Variants in FSBP observed in about 807,000 individuals in gnomAD.
FSBP encodes fibrinogen silencer binding protein, also known as fibrinogen silencer-binding protein.
FSBP carries 18 observed loss-of-function variants against 24.6 expected under a neutral mutation model. The ratio of observed to expected loss-of-function variants is 0.73; its 90% CI spans 0.51 to 1.08. The LOEUF is 1.08. Among genes scored for constraint, FSBP ranks in the 50% least tolerant of loss-of-function variants. FSBP has a pLI of 0.00. For synonymous variants in FSBP, 110 were observed against 125.8 expected, an observed-to-expected ratio of 0.87 and a Z score of 0.84; for missense variants, 305 against 347.6, an observed-to-expected ratio of 0.88 and a Z score of 0.98.
Position 94,436,933 on chromosome 8 carries a change from C to A in FSBP, c.-65G>T. On this transcript the variant is annotated 5_prime_UTR_variant, in exon 1 of 2. Coordinates refer to ENST00000481490, the MANE Select transcript of FSBP (RefSeq NM_001256141.2). The stretch of plus-strand genomic sequence containing the variant: ...ATGCAGCCTTCAGCTCTGCTCAGCT[C>A]TTTTCACAAACAGAAAAAGATCAGG... 1 of 1,455,822 alleles carries A rather than the reference C, an allele frequency of 6.9e-7. No homozygotes were observed. 90.2% of individuals were successfully genotyped at this position (1,455,822 alleles called of 1,614,324 possible).
Position 94,428,993 on chromosome 8 carries a change from C to T in FSBP, c.*3138G>A. 1 of 982,732 alleles carries T rather than the reference C, an allele frequency of 1.0e-6. No individual in the cohort carries two copies. Among genetic ancestry groups the T allele is most frequent in the Non-Finnish European group, 1.2e-6 (1 of 827,576 alleles). The allele number at this position is 982,732 out of a possible 1,614,324, so 60.9% of individuals were successfully genotyped here. On this transcript the variant is annotated 3_prime_UTR_variant, in exon 2 of 2. Coordinates refer to ENST00000481490, the MANE Select transcript of FSBP (RefSeq NM_001256141.2). The stretch of plus-strand genomic sequence containing the variant: ...TTCTCATAAACTATACTATGTTAAT[C>T]ATGGTTATACAAGGGGAGGTAGACA...
chr8:94,432,302 A>T lies in FSBP; in HGVS notation c.729T>A (p.His243Gln). The T allele has an allele frequency of 2.5e-5, 39 of 1,550,272 alleles. No individual in the cohort carries two copies. The highest frequency in any genetic ancestry group is 3.3e-5 in the Non-Finnish European group (38 of 1,146,840). Residue 243 changes from histidine (H) to glutamine (Q), a missense_variant, in exon 2 of 2, where the codon CAT (histidine) becomes CAA (glutamine). By Grantham distance (24) the His-to-Gln change is conservative. Coordinates refer to ENST00000481490, the MANE Select transcript of FSBP (RefSeq NM_001256141.2). ...TTTTTTGATTTTCTAAAATTATCTGATGCTCCTCTTTCAACATTTGCAGGA... is the reference window on the plus strand; with the variant it reads ...TTTTTTGATTTTCTAAAATTATCTGTTGCTCCTCTTTCAACATTTGCAGGA... ...PQILQMLKEE[H>Q]QIILENQKNF...
chr8:94,428,146 C>G lies in FSBP; in HGVS notation c.*3985G>C. On this transcript the variant is annotated 3_prime_UTR_variant, in exon 2 of 2. Coordinates refer to ENST00000481490, the MANE Select transcript of FSBP (RefSeq NM_001256141.2). ...AAGAGAAAGATAGGAAAGTGGCTAT[C>G]CACTATCTAAATTACTAATATATTG... 1.2e-6 allele frequency: 1 copy of G among 860,676 alleles called. No individual in the cohort carries two copies. The highest frequency in any genetic ancestry group is 1.4e-6 in the Non-Finnish European group (1 of 716,590). The allele number at this position is 860,676 out of a possible 1,614,324, so 53.3% of individuals were successfully genotyped here.
Position 94,429,691 on chromosome 8 carries a change from G to A in FSBP, c.*2440C>T, listed in dbSNP as rs773850146. 22 of 982,964 alleles carry A rather than the reference G, an allele frequency of 2.2e-5. No homozygotes were observed. The highest frequency in any genetic ancestry group is 2.7e-5 in the Non-Finnish European group (22 of 827,876). The allele number at this position is 982,964 out of a possible 1,614,324, so 60.9% of individuals were successfully genotyped here. A position where few individuals can be genotyped will look rare whatever the true frequency, so the allele number is the denominator to read the frequency against. ...AGACTCAAAGAAAAGTCATAGCACA[G>A]ATTAAAGAGAAAAGGTAACATTGTC... On this transcript the variant is annotated 3_prime_UTR_variant, in exon 2 of 2. Coordinates refer to ENST00000481490, the MANE Select transcript of FSBP (RefSeq NM_001256141.2).
At position 94,430,631 on chromosome 8, in the gene FSBP, T is replaced by C. The variant is rs756002203; in HGVS notation, c.*1500A>G. On this transcript the variant is annotated 3_prime_UTR_variant, in exon 2 of 2. Coordinates refer to ENST00000481490, the MANE Select transcript of FSBP (RefSeq NM_001256141.2). The stretch of plus-strand genomic sequence containing the variant: ...GTCAGGACCCATACTTGGAAAACCA[T>C]TGGTCTACTCCAAAGGCCACAAAGT... 29 of 613,650 alleles carry C rather than the reference T, an allele frequency of 4.7e-5. No homozygotes were observed. The highest frequency in any genetic ancestry group is 5.5e-5 in the Non-Finnish European group (27 of 490,950). The allele number at this position is 613,650 out of a possible 1,614,324, so 38.0% of individuals were successfully genotyped here. A position where few individuals can be genotyped will look rare whatever the true frequency, so the allele number is the denominator to read the frequency against.
chr8:94,429,846 T>C lies in FSBP; in HGVS notation c.*2285A>G. The C allele has an allele frequency of 8.1e-6, 8 of 985,350 alleles. No individual in the cohort carries two copies. Among genetic ancestry groups the C allele is most frequent in the Non-Finnish European group, 9.6e-6 (8 of 829,878 alleles). The allele number at this position is 985,350 out of a possible 1,614,324, so 61.0% of individuals were successfully genotyped here. A position where few individuals can be genotyped will look rare whatever the true frequency, so the allele number is the denominator to read the frequency against. Reference sequence around the variant, plus strand: ...TAGTCAACATGCTAAAATAGTACCTTGAGTTCATTTTTTTCTATTTCTATA... The same window carrying C: ...TAGTCAACATGCTAAAATAGTACCTCGAGTTCATTTTTTTCTATTTCTATA... On this transcript the variant is annotated 3_prime_UTR_variant, in exon 2 of 2. Coordinates refer to ENST00000481490, the MANE Select transcript of FSBP (RefSeq NM_001256141.2).
In FSBP at chr8:94,432,346, A is replaced by T; in HGVS notation, c.685T>A (p.Leu229Ile). 6.5e-7 allele frequency: 1 copy of T among 1,550,362 alleles called. No homozygotes were observed. The highest frequency in any genetic ancestry group is 8.7e-7 in the Non-Finnish European group (1 of 1,146,850). Residue 229 changes from leucine (L) to isoleucine (I), a missense_variant, in exon 2 of 2, where the codon TTA becomes ATA. Coordinates refer to ENST00000481490, the MANE Select transcript of FSBP (RefSeq NM_001256141.2). ...TGCAGGATCTGAGGATCATACCCTA[A>T]TAGTGACCTAAAGTGTTCACCACTC... ...HESGEHFRSLLGYDPQILQML... is the reference protein window; with the variant it reads ...HESGEHFRSLIGYDPQILQML...
chr8:94,430,195 C>T lies in FSBP; in HGVS notation c.*1936G>A, dbSNP rs1477857620. On this transcript the variant is annotated 3_prime_UTR_variant, in exon 2 of 2. Transcript: ENST00000481490. ...AGGCATGGTGGTGCGCCTGTAGTCC[C>T]AGCTACTTGGGAAGCTGAAGCAGGA... is the stretch of plus-strand genomic sequence containing the variant. 1.6e-6 allele frequency: 1 copy of T among 641,672 alleles called. No individual in the cohort carries two copies. The highest frequency in any genetic ancestry group is 2.0e-5 in the African/African-American group (1 of 50,154). The allele number at this position is 641,672 out of a possible 1,614,324, so 39.7% of individuals were successfully genotyped here.
chr8:94,433,604 G>C (rs1046795015), intron 1 of FSBP, among the ~76,000 whole-genome samples: 4 of 151,858 alleles, frequency 2.6e-5, no homozygotes, highest in African/African-American at 9.7e-5. Context: ...AACAAGTTAT[G>C]ATATTATAAA....
chr8:94,436,832 A>T lies in FSBP; in HGVS notation c.37T>A (p.Ser13Thr). 11 of 1,542,964 alleles carry T rather than the reference A, an allele frequency of 7.1e-6. No individual in the cohort carries two copies. Among genetic ancestry groups the T allele is most frequent in the Non-Finnish European group, 8.7e-6 (10 of 1,144,448 alleles). Reference protein sequence around the residue: ...GKARSSNFTLSEKLDLLKLVK... With the variant: ...GKARSSNFTLTEKLDLLKLVK... ...AGCTTTAGCAAATCAAGCTTTTCGGATAAGGTAAAATTGGAAGATCTAGCC... is the reference window on the plus strand; with the variant it reads ...AGCTTTAGCAAATCAAGCTTTTCGGTTAAGGTAAAATTGGAAGATCTAGCC... Residue 13 changes from serine (S) to threonine (T), a missense_variant, in exon 1 of 2, where the codon TCC becomes ACC. By Grantham distance (58) the Ser-to-Thr change is moderately conservative. Transcript: ENST00000481490.
intron 1 of FSBP, among the ~76,000 whole-genome samples, chr8:94,434,922 CA>C (rs1252080094): frequency 1.3e-5 from 2 of 151,366 alleles, no homozygotes; most frequent in Non-Finnish European, 1.5e-5. Context: ...TATTCACACA[CA>C]CAAATAGTCA....
Position 94,430,966 on chromosome 8 carries a change from CTT to C in FSBP, c.*1163_*1164del. 1.0e-6 allele frequency: 1 copy of C among 985,298 alleles called. No homozygotes were observed. The highest frequency in any genetic ancestry group is 4.7e-5 in the South Asian group (1 of 21,276). 61.0% of individuals were successfully genotyped at this position (985,298 alleles called of 1,614,324 possible). A position where few individuals can be genotyped will look rare whatever the true frequency, so the allele number is the denominator to read the frequency against. On this transcript the variant is annotated 3_prime_UTR_variant, in exon 2 of 2. Coordinates refer to ENST00000481490, the MANE Select transcript of FSBP (RefSeq NM_001256141.2). ...AATCCACTTTTTCCCATTCTTTTGT[CTT>C]TTTTCCAGCGTCTCACTCTTGACTT...
chr8:94,429,584 A>G lies in FSBP; in HGVS notation c.*2547T>C. 1 of 983,404 alleles carries G rather than the reference A, an allele frequency of 1.0e-6. No homozygotes were observed. The highest frequency in any genetic ancestry group is 1.2e-6 in the Non-Finnish European group (1 of 828,052). The allele number at this position is 983,404 out of a possible 1,614,324, so 60.9% of individuals were successfully genotyped here. On this transcript the variant is annotated 3_prime_UTR_variant, in exon 2 of 2. Transcript: ENST00000481490. ...TATGTGCTTTCAATAATTTCAAAAAATAAAGCTTACTACTGCCAAGATGTG... is the reference window on the plus strand; with the variant it reads ...TATGTGCTTTCAATAATTTCAAAAAGTAAAGCTTACTACTGCCAAGATGTG...
rs775967195 is a variant in FSBP, at chr8:94,432,439, AG to A, written c.591del (p.Ser198LeufsTer4). Reference sequence around the variant, plus strand: ...GACGATGTCATTCTCATATCAACAGAGGAAAGTGAAGGCGACAAGGATCTTT... The same window carrying A: ...GACGATGTCATTCTCATATCAACAGAGAAAGTGAAGGCGACAAGGATCTTT... ...VMERSLSPSLSSVDMRMTSSP... is the reference protein window; with the variant it reads ...VMERSLSPSLXSVDMRMTSSP... On this transcript the variant is annotated frameshift_variant, in exon 2 of 2. Coordinates refer to ENST00000481490, the MANE Select transcript of FSBP (RefSeq NM_001256141.2). LOFTEE classifies it high-confidence loss of function. The A allele has an allele frequency of 1.3e-6, 2 of 1,550,454 alleles. No individual in the cohort carries two copies. The highest frequency in any genetic ancestry group is 2.4e-5 in the South Asian group (2 of 84,042).
chr8:94,430,999 ACCCATGGTC>A lies in FSBP; in HGVS notation c.*1123_*1131del. 4 of 985,164 alleles carry A rather than the reference ACCCATGGTC, an allele frequency of 4.1e-6. No homozygotes were observed. The highest frequency in any genetic ancestry group is 4.8e-6 in the Non-Finnish European group (4 of 829,878). 61.0% of individuals were successfully genotyped at this position (985,164 alleles called of 1,614,324 possible). A position where few individuals can be genotyped will look rare whatever the true frequency, so the allele number is the denominator to read the frequency against. On this transcript the variant is annotated 3_prime_UTR_variant, in exon 2 of 2. Transcript: ENST00000481490. ...CAGCGTCTCACTCTTGACTTCAAACACCCATGGTCCCCTTCACTGCTGAAATTACACCCA... is the reference window on the plus strand; with the variant it reads ...CAGCGTCTCACTCTTGACTTCAAACACCCTTCACTGCTGAAATTACACCCA...
rs1811981924 is a variant in FSBP, at chr8:94,427,829, G to A, written c.*4302C>T. 1.0e-6 allele frequency: 1 copy of A among 960,340 alleles called. No homozygotes were observed. The highest frequency in any genetic ancestry group is 1.2e-6 in the Non-Finnish European group (1 of 807,466). The allele number at this position is 960,340 out of a possible 1,614,324, so 59.5% of individuals were successfully genotyped here. A position where few individuals can be genotyped will look rare whatever the true frequency, so the allele number is the denominator to read the frequency against. The stretch of plus-strand genomic sequence containing the variant: ...TACACTCTAAGTTATTTAAACATGT[G>A]TATTTAAAAGTTGACATTACTCCAA... On this transcript the variant is annotated 3_prime_UTR_variant, in exon 2 of 2. Transcript: ENST00000481490.
chr8:94,433,601 TATG>T (rs1812175725), intron 1 of FSBP, among the ~76,000 whole-genome samples: 1 of 152,040 alleles, frequency 6.6e-6, no homozygotes, highest in Non-Finnish European at 1.5e-5. Flanking sequence ...CATAACAAGT[TATG>T]ATATTATAAA....
At chr8:94,433,526 T>C (rs1313748658) in intron 1 of FSBP, among the ~76,000 whole-genome samples, 1 of 152,106 alleles carries the variant, frequency 6.6e-6, no homozygotes, top group Non-Finnish European at 1.5e-5. Context: ...AATTTACACA[T>C]AATTTCCACC....
chr8:94,434,572 A>G (rs915218965), intron 1 of FSBP, among the ~76,000 whole-genome samples: 5 of 151,902 alleles, frequency 3.3e-5, no homozygotes, highest in Non-Finnish European at 7.4e-5. Context: ...ATTAAAAAGG[A>G]AGAGTTTGGT....
Sources: gnomAD v4.1 joint callset for allele counts (sites outside exome capture counted in the v4.1 genomes callset) on GRCh38, gnomAD v4.1.1 for gene constraint, MANE v1.5 for transcripts, NCBI Gene and HGNC (gene_info 2026-07-23, HGNC 2026-07-21) for gene names.